TMEM170B: variants seen among roughly 807,000 people sequenced by gnomAD.
The protein encoded by TMEM170B is transmembrane protein 170B.
In TMEM170B, 6 loss-of-function variants were observed where a neutral mutation model predicts 13.0. That is an observed-to-expected ratio of 0.46 (90% CI 0.25 to 0.91). The LOEUF (loss-of-function observed/expected upper bound fraction) is 0.91, where lower values mean the gene tolerates loss of function less well. TMEM170B is among the 40% of genes least tolerant of loss of function. The pLI is 0.17. For missense variants in TMEM170B, 138 were observed against 165.2 expected (o/e 0.84, Z 0.90); for synonymous variants, 61 against 64.9 (o/e 0.94, Z 0.29).
At position 11,577,040 on chromosome 6, in the gene TMEM170B, G is replaced by A. The variant is rs1446576510; in HGVS notation, c.*1479G>A. On this transcript the variant is annotated 3_prime_UTR_variant, in exon 3 of 3. Transcript: ENST00000379426. Reference sequence around the variant, plus strand: ...ACATTGCAGAGAATATGAAGTTAAGGATAATCCAAAAATAACCTGGTAGCC... The same window carrying A: ...ACATTGCAGAGAATATGAAGTTAAGAATAATCCAAAAATAACCTGGTAGCC... The A allele has an allele frequency of 1.3e-5, 2 of 152,026 alleles. No individual in the cohort carries two copies. Among genetic ancestry groups the A allele is most frequent in the Non-Finnish European group, 2.9e-5 (2 of 67,948 alleles). 9.4% of individuals were successfully genotyped at this position (152,026 alleles called of 1,614,324 possible). A position where few individuals can be genotyped will look rare whatever the true frequency, so the allele number is the denominator to read the frequency against.
chr6:11,569,204 T>C (rs1759769942), intron 2 of TMEM170B, among the ~76,000 whole-genome samples: 2 of 152,124 alleles, frequency 1.3e-5, no homozygotes, highest in Non-Finnish European at 2.9e-5. Flanking sequence ...GATATTGACC[T>C]CTTGTTGGTT....
intron 1 of TMEM170B, among the ~76,000 whole-genome samples, chr6:11,564,852 G>A (rs534122861): frequency 5.8e-4 from 89 of 152,330 alleles, no homozygotes; most frequent in Admixed American, 1.2e-3. Flanking sequence ...CCCAGGGGAA[G>A]GGAACGATTG....
intron 1 of TMEM170B, among the ~76,000 whole-genome samples, chr6:11,542,432 G>C (rs1376379926): frequency 6.6e-6 from 1 of 152,130 alleles, no homozygotes; most frequent in African/African-American, 2.4e-5. Flanking sequence ...CTTAATACTT[G>C]CCAGTTGCTC....
intron 1 of TMEM170B, among the ~76,000 whole-genome samples, chr6:11,541,275 A>T (rs187807952): frequency 3.3e-5 from 5 of 152,304 alleles, no homozygotes; most frequent in African/African-American, 1.2e-4. Flanking sequence ...AAGGCTGTTT[A>T]ATCTACATGG....
chr6:11,541,934 TTTATCGAGTAAA>T (rs1303984685), intron 1 of TMEM170B, among the ~76,000 whole-genome samples: 3 of 152,156 alleles, frequency 2.0e-5, no homozygotes, highest in Non-Finnish European at 4.4e-5. Context: ...ACACACAAGA[TTTATCGAGTAAA>T]TTATCGAGTA....
chr6:11,538,522 G>C (rs1226207391), intron 1 of TMEM170B, 148 bp downstream of exon 1: 3 of 616,782 alleles, frequency 4.9e-6, no homozygotes, highest in Non-Finnish European at 7.9e-6. Flanking sequence ...GGTGTTAATC[G>C]GAGCCACTCT....
chr6:11,567,901 C>T (rs539209861), intron 2 of TMEM170B, among the ~76,000 whole-genome samples: 12 of 152,080 alleles, frequency 7.9e-5, no homozygotes, highest in Non-Finnish European at 7.4e-5. Flanking sequence ...TTTTTGAATG[C>T]AGTTGGCAAG....
At chr6:11,568,420 A>G (rs75220612) in intron 2 of TMEM170B, among the ~76,000 whole-genome samples, 6,408 of 135,952 alleles carry the variant, frequency 0.047, 180 homozygotes, top group East Asian at 0.17. Flanking sequence ...GGAAGTTTAA[A>G]TGGTATGTGT....
In TMEM170B at chr6:11,538,222, A is replaced by AGCCGCCGCC; in HGVS notation, c.-49_-41dup. The AGCCGCCGCC allele has an allele frequency of 2.1e-6, 2 of 972,822 alleles. No individual in the cohort carries two copies. Among genetic ancestry groups the AGCCGCCGCC allele is most frequent in the Non-Finnish European group, 2.6e-6 (2 of 769,988 alleles). The allele number at this position is 972,822 out of a possible 1,614,324, so 60.3% of individuals were successfully genotyped here. A position where few individuals can be genotyped will look rare whatever the true frequency, so the allele number is the denominator to read the frequency against. Reference sequence around the variant, plus strand: ...CCCGCCGCCGCCCCCCGAGCCTCGCAGCCGCCGCCGCCGCCCGGCACCCGA... The same window carrying AGCCGCCGCC: ...CCCGCCGCCGCCCCCCGAGCCTCGCAGCCGCCGCCGCCGCCGCCGCCGCCCGGCACCCGA... On this transcript the variant is annotated 5_prime_UTR_variant, in exon 1 of 3. Transcript: ENST00000379426.
intron 1 of TMEM170B, among the ~76,000 whole-genome samples, chr6:11,556,296 G>A (rs1229937250): frequency 6.6e-6 from 1 of 152,142 alleles, no homozygotes; most frequent in Non-Finnish European, 1.5e-5. Flanking sequence ...TTGTTGTTGT[G>A]GTTACCTTCA....
At chr6:11,552,831 G>A (rs12191798) in intron 1 of TMEM170B, among the ~76,000 whole-genome samples, 8,783 of 152,258 alleles carry the variant, frequency 0.058, 276 homozygotes, top group East Asian at 0.16. Flanking sequence ...GGTATAGTAT[G>A]ACTGGTAGAG....
intron 1 of TMEM170B, among the ~76,000 whole-genome samples, chr6:11,544,788 T>C (rs1228480511): frequency 2.6e-5 from 4 of 152,264 alleles, no homozygotes; most frequent in African/African-American, 7.2e-5. Context: ...GTGTCAGTTA[T>C]ATGCTTCTGA....
intron 1 of TMEM170B, among the ~76,000 whole-genome samples, chr6:11,557,515 G>T (rs910845773): frequency 5.3e-5 from 8 of 152,214 alleles, no homozygotes; most frequent in African/African-American, 1.9e-4. Context: ...TAAAAAAAAG[G>T]AAATAAAATA....
At position 11,540,603 on chromosome 6, in the gene TMEM170B, G is replaced by A. The variant is rs955636211; in HGVS notation, c.97+2229G>A. On this transcript the variant is annotated intron_variant, in intron 1 of 2. Coordinates refer to ENST00000379426, the MANE Select transcript of TMEM170B (RefSeq NM_001100829.3). ...CCACTAAAGTGTTGATCCCCTCAAA[G>A]TCATCCATGAGGAATGGAGTCAATT... Among the ~76,000 whole-genome samples the A allele has an allele frequency of 4.6e-5, 7 of 152,268 alleles. No homozygotes were observed. In the East Asian group the frequency reaches 1.4e-3, roughly 29 times the overall value.
intron 1 of TMEM170B, among the ~76,000 whole-genome samples, chr6:11,561,187 A>T (rs1411169575): frequency 6.6e-6 from 1 of 152,210 alleles, no homozygotes; most frequent in African/African-American, 2.4e-5. Flanking sequence ...TAGGCATGAG[A>T]TGCTTCAAAG....
intron 1 of TMEM170B, among the ~76,000 whole-genome samples, chr6:11,558,129 A>G (rs1759614408): frequency 6.6e-6 from 1 of 151,974 alleles, no homozygotes; most frequent in African/African-American, 2.4e-5. Flanking sequence ...ATCCATTCCC[A>G]CTTTTCCATA....
chr6:11,538,239 G>C lies in TMEM170B; in HGVS notation c.-39G>C. The C allele has an allele frequency of 8.5e-7, 1 of 1,176,352 alleles. No homozygotes were observed. Among genetic ancestry groups the C allele is most frequent in the Non-Finnish European group, 1.1e-6 (1 of 933,820 alleles). 72.9% of individuals were successfully genotyped at this position (1,176,352 alleles called of 1,614,324 possible). ...AGCCTCGCAGCCGCCGCCGCCGCCC[G>C]GCACCCGAGGAGAGGGCGGCGGGCG... On this transcript the variant is annotated 5_prime_UTR_variant, in exon 1 of 3. Transcript: ENST00000379426.
intron 1 of TMEM170B, among the ~76,000 whole-genome samples, chr6:11,549,230 CAT>C (rs1254323568): frequency 1.3e-5 from 2 of 152,186 alleles, no homozygotes. Context: ...GCATGCATCT[CAT>C]TTTCTATAAA....
In TMEM170B at chr6:11,582,870, A is replaced by G. The variant is rs1029628570; in HGVS notation, c.*7309A>G. 3 of 152,214 alleles carry G rather than the reference A, an allele frequency of 2.0e-5. No homozygotes were observed. The highest frequency in any genetic ancestry group is 2.9e-5 in the Non-Finnish European group (2 of 68,008). 9.4% of individuals were successfully genotyped at this position (152,214 alleles called of 1,614,324 possible). A position where few individuals can be genotyped will look rare whatever the true frequency, so the allele number is the denominator to read the frequency against. ...CCCTTCTGTTAAGACTATAAACTAT[A>G]TGAGTATGTGTACTGCATGTTTACA... On this transcript the variant is annotated 3_prime_UTR_variant, in exon 3 of 3. Coordinates refer to ENST00000379426, the MANE Select transcript of TMEM170B (RefSeq NM_001100829.3).
Sources: gnomAD v4.1 joint callset for allele counts (sites outside exome capture counted in the v4.1 genomes callset) on GRCh38, gnomAD v4.1.1 for gene constraint, MANE v1.5 for transcripts, NCBI Gene and HGNC (gene_info 2026-07-23, HGNC 2026-07-21) for gene names.